NAV2: variants seen among roughly 807,000 people sequenced by gnomAD.
NAV2 encodes neuron navigator 2.
NAV2 carries 54 observed loss-of-function variants against 223.2 expected under a neutral mutation model. The ratio of observed to expected loss-of-function variants is 0.24; its 90% confidence interval spans 0.19 to 0.30. The LOEUF is 0.30. NAV2 is among the 10% of genes least tolerant of loss of function. The pLI is 1.00. For synonymous variants in NAV2, 1,279 were observed against 1,239.3 expected (o/e 1.03, Z -0.67); for missense variants, 2,806 against 3,147.5 (o/e 0.89, Z 2.60).
intron 1 of NAV2, among the ~76,000 whole-genome samples, chr11:19,828,965 A>G (rs772498852): frequency 2.0e-5 from 3 of 152,244 alleles, no homozygotes; most frequent in Non-Finnish European, 2.9e-5. Context: ...CCGTGGCTCT[A>G]TAATCGCAGT....
At chr11:19,792,326 T>G (rs923934579) in intron 1 of NAV2, among the ~76,000 whole-genome samples, 1 of 152,206 alleles carries the variant, frequency 6.6e-6, no homozygotes, top group Admixed American at 6.5e-5. Context: ...GATTTTGTTC[T>G]AAGTAGTGGG....
chr11:19,646,730 A>G (rs1040326102), intron 1 of NAV2, among the ~76,000 whole-genome samples: 6 of 152,222 alleles, frequency 3.9e-5, no homozygotes, highest in Non-Finnish European at 8.8e-5. Flanking sequence ...GATGCTTTAA[A>G]TATAAAACCT....
At chr11:19,902,950 G>C (rs985132939) in intron 6 of NAV2, among the ~76,000 whole-genome samples, 2 of 152,212 alleles carry the variant, frequency 1.3e-5, no homozygotes, top group African/African-American at 4.8e-5. Context: ...GCTGAGGAGA[G>C]AGACCCTGAA....
chr11:19,633,219 G>A (rs1187290514), intron 1 of NAV2, among the ~76,000 whole-genome samples: 3 of 152,122 alleles, frequency 2.0e-5, no homozygotes, highest in South Asian at 2.1e-4. Context: ...TTGCCTTCCC[G>A]ATCTCCCTGC....
chr11:19,716,473 T>C (rs1190324467), intron 1 of NAV2, among the ~76,000 whole-genome samples: 1 of 152,232 alleles, frequency 6.6e-6, no homozygotes, highest in Non-Finnish European at 1.5e-5. Context: ...TAAAAGTAGC[T>C]ATTTATATTG....
intron 1 of NAV2, among the ~76,000 whole-genome samples, chr11:19,410,592 G>A (rs189206577): frequency 6.6e-6 from 1 of 152,270 alleles, no homozygotes; most frequent in Non-Finnish European, 1.5e-5. Context: ...TGATGCTTCT[G>A]ATGACTCCTG....
chr11:19,612,067 C>T (rs1283830869), intron 1 of NAV2, among the ~76,000 whole-genome samples: 3 of 152,382 alleles, frequency 2.0e-5, no homozygotes, highest in Admixed American at 6.5e-5. Context: ...ACAGGCTCAA[C>T]ACTACATGGA....
rs184591640 is a variant in NAV2, at chr11:19,452,021, G to A, written c.75+100994G>A. ...TACCATGAAGTATCCTCATAACTACGGTATCAGCTGTTTCATCCTCACTAC... is the reference window on the plus strand; with the variant it reads ...TACCATGAAGTATCCTCATAACTACAGTATCAGCTGTTTCATCCTCACTAC... On this transcript the variant is annotated intron_variant, in intron 1 of 37. Coordinates refer to the NAV2 transcript ENST00000360655. Among the ~76,000 whole-genome samples, 15 of 152,002 alleles carry A rather than the reference G, an allele frequency of 9.9e-5. No homozygotes were observed. In the South Asian group the frequency reaches 1.3e-3, roughly 13 times the overall value.
intron 1 of NAV2, among the ~76,000 whole-genome samples, chr11:19,407,098 T>C (rs2729918): frequency 0.19 from 28,969 of 152,200 alleles, 2,859 homozygotes; most frequent in South Asian, 0.33. Context: ...AGGATGTGTG[T>C]GTGGCCCACT....
intron 1 of NAV2, among the ~76,000 whole-genome samples, chr11:19,796,125 A>G (rs1441941856): frequency 6.6e-6 from 1 of 152,234 alleles, no homozygotes; most frequent in Non-Finnish European, 1.5e-5. Flanking sequence ...TAGCCCAGGA[A>G]CTAGGAACCA....
intron 11 of NAV2, among the ~76,000 whole-genome samples, chr11:20,020,607 T>C (rs2568130): frequency 0.089 from 13,550 of 152,260 alleles, 711 homozygotes; most frequent in Admixed American, 0.12. Context: ...CTTTTAACCA[T>C]AGAAAGAAAA....
intron 12 of NAV2, among the ~76,000 whole-genome samples, chr11:20,037,725 C>G (rs1287291397): frequency 6.6e-6 from 1 of 152,172 alleles, no homozygotes; most frequent in East Asian, 1.9e-4. Flanking sequence ...ACCAAACAAA[C>G]AAAACCTAAG....
At position 20,045,162 on chromosome 11, in the gene NAV2, C is replaced by T. The variant is rs2057315868; in HGVS notation, c.3394C>T (p.Leu1132=). 6.2e-7 allele frequency: 1 copy of T among 1,614,042 alleles called. No homozygotes were observed. Among genetic ancestry groups the T allele is most frequent in the African/African-American group, 1.3e-5 (1 of 74,922 alleles). The change falls in exon 14 of 38, where the codon CTG becomes TTG. Residue 1132 remains leucine, a synonymous_variant. Transcript: ENST00000349880. ...FKKQSGSAAG[L]AMITASGVTV... ...GAAGCAGAGTGGTTCCGCCGCCGGCCTGGCCATGATCACAGCCAGCGGGGT... is the reference window on the plus strand; with the variant it reads ...GAAGCAGAGTGGTTCCGCCGCCGGCTTGGCCATGATCACAGCCAGCGGGGT...
At chr11:20,103,828 G>C in intron 34 of NAV2, 104 bp downstream of exon 34, 4 of 1,015,606 alleles carry the variant, frequency 3.9e-6, no homozygotes, top group Non-Finnish European at 6.2e-6. Flanking sequence ...TTGTATGCTA[G>C]GTATTGTTAA....
At chr11:19,938,919 C>A (rs558412793) in intron 7 of NAV2, among the ~76,000 whole-genome samples, 1 of 152,270 alleles carries the variant, frequency 6.6e-6, no homozygotes, top group East Asian at 1.9e-4. Flanking sequence ...CATGCCAGTG[C>A]GTTAATAATG....
chr11:19,636,835 C>A (rs1050371929), intron 1 of NAV2, among the ~76,000 whole-genome samples: 3 of 152,158 alleles, frequency 2.0e-5, no homozygotes, highest in African/African-American at 7.2e-5. Context: ...AGACTCACAC[C>A]TTTCAGGTTG....
intron 22 of NAV2, among the ~76,000 whole-genome samples, chr11:20,074,111 C>T (rs1350532363): frequency 6.6e-6 from 1 of 152,124 alleles, no homozygotes; most frequent in African/African-American, 2.4e-5. Context: ...TAAATGTGTC[C>T]CAGATATTCT....
At chr11:19,363,352 G>A (rs887951121) in intron 1 of NAV2, among the ~76,000 whole-genome samples, 1 of 152,154 alleles carries the variant, frequency 6.6e-6, no homozygotes, top group African/African-American at 2.4e-5. Flanking sequence ...TGGTGTACAT[G>A]TGCCACATTT....
At chr11:19,763,540 T>G (rs963846693) in intron 1 of NAV2, among the ~76,000 whole-genome samples, 4 of 152,164 alleles carry the variant, frequency 2.6e-5, no homozygotes, top group African/African-American at 9.7e-5. Flanking sequence ...CGACACTGCC[T>G]TTCTCAGTGG....
Sources: allele counts gnomAD v4.1 joint callset (sites outside exome capture counted in the v4.1 genomes callset), GRCh38; gene constraint gnomAD v4.1.1; transcripts MANE v1.5; gene names NCBI Gene and HGNC (gene_info 2026-07-23, HGNC 2026-07-21).